Variants in CENPA observed in about 807,000 individuals in gnomAD.
CENPA encodes centromere protein A.
A neutral mutation model predicts 17.2 loss-of-function variants in CENPA; 7 were observed. The ratio of observed to expected loss-of-function variants is 0.41; its 90% CI spans 0.23 to 0.76. The LOEUF is 0.76. CENPA is among the 30% of genes least tolerant of loss of function. The pLI, the probability that CENPA is intolerant of heterozygous loss-of-function variation, is 0.34. For missense variants in CENPA, 149 were observed against 193.1 expected, an observed-to-expected ratio of 0.77 and a Z score of 1.35; for synonymous variants, 82 against 77.4, an observed-to-expected ratio of 1.06 and a Z score of -0.31.
intron 1 of CENPA, among the ~76,000 whole-genome samples, chr2:26,790,412 C>T (rs948915618): frequency 1.3e-5 from 2 of 152,134 alleles, no homozygotes; most frequent in African/African-American, 4.8e-5. Flanking sequence ...CTGCAACCTC[C>T]ATCTCCTGGG....
At chr2:26,789,356 G>A (rs1322181318) in intron 1 of CENPA, among the ~76,000 whole-genome samples, 2 of 152,008 alleles carry the variant, frequency 1.3e-5, no homozygotes, top group Admixed American at 1.3e-4. Flanking sequence ...CACTCTGGCA[G>A]TTCTGCTTGG....
chr2:26,789,448 T>G (rs1356907543), intron 1 of CENPA, among the ~76,000 whole-genome samples: 2 of 152,018 alleles, frequency 1.3e-5, no homozygotes, highest in Non-Finnish European at 2.9e-5. Flanking sequence ...ACCCCCTCCC[T>G]AGGTGGTCTC....
At chr2:26,792,050 A>T (rs1664626790) in intron 1 of CENPA, 81 bp from the exon 2 acceptor site, 3 of 1,134,002 alleles carry the variant, frequency 2.6e-6, no homozygotes, top group Non-Finnish European at 3.9e-6. Context: ...GATATAGTCT[A>T]GCAATTTGAC....
intron 1 of CENPA, among the ~76,000 whole-genome samples, chr2:26,787,025 T>C (rs1330385879): frequency 2.0e-5 from 3 of 152,246 alleles, no homozygotes; most frequent in Non-Finnish European, 4.4e-5. Flanking sequence ...CTCTTAACTC[T>C]TGCTACGTAG....
chr2:26,786,136 C>A lies in CENPA; in HGVS notation c.-61C>A. The A allele has an allele frequency of 7.4e-7, 1 of 1,357,506 alleles. No homozygotes were observed. Among genetic ancestry groups the A allele is most frequent in the South Asian group, 1.7e-5 (1 of 58,814 alleles). The allele number at this position is 1,357,506 out of a possible 1,614,324, so 84.1% of individuals were successfully genotyped here. On this transcript the variant is annotated 5_prime_UTR_variant, in exon 1 of 5. Transcript: ENST00000335756. ...TCCCCAGAAGCCAGCCTTTCGCTCCCGGACCCGGCAGCCCGAGCAGGAGCC... is the reference window on the plus strand; with the variant it reads ...TCCCCAGAAGCCAGCCTTTCGCTCCAGGACCCGGCAGCCCGAGCAGGAGCC...
At chr2:26,792,690 T>C (rs1664643245) in intron 2 of CENPA, 66 bp from the exon 3 acceptor site, 3 of 1,285,302 alleles carry the variant, frequency 2.3e-6, no homozygotes, top group Non-Finnish European at 3.4e-6. Context: ...GAGAGCATCA[T>C]TGTCCCTTGA....
chr2:26,792,121 T>G lies in CENPA; in HGVS notation c.101-10T>G. Reference sequence around the variant, plus strand: ...CTATTTTCCACTGAACTTACCTTTCTTTTGCTCAGGCGCTTCCTCCCATCA... The same window carrying G: ...CTATTTTCCACTGAACTTACCTTTCGTTTGCTCAGGCGCTTCCTCCCATCA... On this transcript the variant is annotated splice_polypyrimidine_tract_variant and intron_variant, in intron 1 of 4. Coordinates refer to ENST00000335756, the MANE Select transcript of CENPA (RefSeq NM_001809.4). The G allele has an allele frequency of 6.2e-7, 1 of 1,612,710 alleles. No homozygotes were observed. The highest frequency in any genetic ancestry group is 8.5e-7 in the Non-Finnish European group (1 of 1,179,380).
rs1418883752 is a variant in CENPA, at chr2:26,793,174, T to C, written c.318T>C (p.Phe106=). 1 of 1,614,188 alleles carries C rather than the reference T, an allele frequency of 6.2e-7. No individual in the cohort carries two copies. Among genetic ancestry groups the C allele is most frequent in the Non-Finnish European group, 8.5e-7 (1 of 1,180,032 alleles). ...CAGAAGCATTTCTAGTTCATCTCTT[T>C]GAGGACGCCTATCTCCTCACCTTAC... The part of the protein sequence containing the change: ...EAAEAFLVHL[F]EDAYLLTLHA... The change falls in exon 4 of 5, where the codon TTT becomes TTC. Residue 106 remains phenylalanine (F), a synonymous_variant. Transcript: ENST00000335756.
intron 4 of CENPA, 135 bp downstream of exon 4, chr2:26,793,461 A>G: frequency 3.0e-6 from 2 of 676,072 alleles, no homozygotes; most frequent in Non-Finnish European, 4.7e-6. Flanking sequence ...TGCCTGGGAC[A>G]ATGTGGTTTG....
At position 26,786,172 on chromosome 2, in the gene CENPA, G is replaced by C. The variant is rs570110844; in HGVS notation, c.-25G>C. On this transcript the variant is annotated 5_prime_UTR_variant, in exon 1 of 5. Transcript: ENST00000335756. Reference sequence around the variant, plus strand: ...GCCCGAGCAGGAGCCGTGGGACCGGGCGCCAGCACCCTCTGCGGCGTGTCA... The same window carrying C: ...GCCCGAGCAGGAGCCGTGGGACCGGCCGCCAGCACCCTCTGCGGCGTGTCA... 5 of 1,422,194 alleles carry C rather than the reference G, an allele frequency of 3.5e-6. No homozygotes were observed. In the African/African-American group the frequency reaches 6.0e-5, roughly 17 times the overall value. The allele number at this position is 1,422,194 out of a possible 1,614,324, so 88.1% of individuals were successfully genotyped here.
Position 26,793,208 on chromosome 2 carries a change from C to G in CENPA, c.352C>G (p.Arg118Gly). ...DAYLLTLHAG[R>G]VTLFPKDVQL... is the part of the protein sequence containing the mutation. ...CTATCTCCTCACCTTACATGCAGGCCGAGTTACTCTCTTCCCAAAGGATGT... is the reference window on the plus strand; with the variant it reads ...CTATCTCCTCACCTTACATGCAGGCGGAGTTACTCTCTTCCCAAAGGATGT... The change falls in exon 4 of 5, where the codon CGA becomes GGA. Residue 118 changes from arginine (R) to glycine (G), a missense_variant. This residue lies in a region of CENPA where 54 missense variants were observed against 105.7 expected (regional missense o/e 0.51). Transcript: ENST00000335756. 6.2e-7 allele frequency: 1 copy of G among 1,614,138 alleles called. No individual in the cohort carries two copies. Among genetic ancestry groups the G allele is most frequent in the Non-Finnish European group, 8.5e-7 (1 of 1,180,018 alleles).
At chr2:26,786,962 A>C in intron 1 of CENPA, among the ~76,000 whole-genome samples, 1 of 152,244 alleles carries the variant, frequency 6.6e-6, no homozygotes, top group East Asian at 1.9e-4. Context: ...ACCCAACGGC[A>C]GGAGGAGGCA....
chr2:26,792,615 T>C (rs1454943744), intron 2 of CENPA, 141 bp from the exon 3 acceptor site: 8 of 787,140 alleles, frequency 1.0e-5, no homozygotes, highest in East Asian at 2.6e-5. Flanking sequence ...CACCTGCTCC[T>C]AATTGGGTCC....
intron 2 of CENPA, 105 bp downstream of exon 2, chr2:26,792,345 C>T: frequency 1.2e-6 from 1 of 827,920 alleles, no homozygotes; most frequent in Non-Finnish European, 2.0e-6. Context: ...GCCAAGGGAC[C>T]TCTTTTGTAA....
intron 2 of CENPA, 54 bp downstream of exon 2, chr2:26,792,294 T>G (rs1381062838): frequency 7.0e-6 from 10 of 1,433,594 alleles, no homozygotes; most frequent in Admixed American, 2.0e-5. Context: ...TTTTTTAAAT[T>G]TTCCCAGGTA....
chr2:26,789,898 T>C (rs1202676188), intron 1 of CENPA, among the ~76,000 whole-genome samples: 1 of 152,228 alleles, frequency 6.6e-6, no homozygotes, highest in Non-Finnish European at 1.5e-5. Context: ...CTTCTTTCCT[T>C]ACACAGCAGC....
At chr2:26,787,099 T>C (rs1664521005) in intron 1 of CENPA, among the ~76,000 whole-genome samples, 1 of 152,256 alleles carries the variant, frequency 6.6e-6, no homozygotes, top group Non-Finnish European at 1.5e-5. Flanking sequence ...AGAGACTGGG[T>C]CTCCCTGTGT....
intron 1 of CENPA, among the ~76,000 whole-genome samples, chr2:26,787,175 G>A (rs539274201): frequency 2.0e-4 from 30 of 152,314 alleles, no homozygotes; most frequent in African/African-American, 7.0e-4. Context: ...CAAAGTGCTG[G>A]GATTGCAGGC....
intron 1 of CENPA, among the ~76,000 whole-genome samples, chr2:26,786,500 G>A (rs1664510743): frequency 1.3e-5 from 2 of 152,262 alleles, no homozygotes; most frequent in Admixed American, 1.3e-4. Flanking sequence ...GACCGGCTTA[G>A]CCACTTGGCT....
Sources: allele counts gnomAD v4.1 joint callset (sites outside exome capture counted in the v4.1 genomes callset), GRCh38; gene constraint gnomAD v4.1.1; regional missense constraint gnomAD v4.1.1; transcripts MANE v1.5; gene names NCBI Gene and HGNC (gene_info 2026-07-23, HGNC 2026-07-21).